The following SRCIN1 variants were observed in gnomAD, a reference collection of about 807,000 sequenced individuals.
SRCIN1 encodes SRC kinase signaling inhibitor 1.
A neutral mutation model predicts 116.2 loss-of-function variants in SRCIN1; 50 were observed. The observed-to-expected ratio is 0.43, with a 90% CI of 0.34 to 0.54. The LOEUF (loss-of-function observed/expected upper bound fraction) is 0.54. SRCIN1 is among the 20% of genes least tolerant of loss of function. The pLI is 0.02. For synonymous variants in SRCIN1, 736 were observed against 750.0 expected (o/e 0.98, Z 0.30); for missense variants, 1,446 against 1,672.0 (o/e 0.86, Z 2.36).
rs1261847295 is a variant in SRCIN1 at position 38,544,774 on chromosome 17, G to T, written c.3271-805C>A. On this transcript the variant is annotated intron_variant, in intron 17 of 18. Transcript: ENST00000617146. The surrounding 1 kb of genome is among the most constrained non-coding windows in gnomAD (Gnocchi z 4.5). ...GGTAAGAGCTGAGAGAAGGCCGGTG[G>T]GAGGAGGGGGCTGGCCTGGCATTTC... The T allele has an allele frequency of 6.6e-6, 1 of 152,158 alleles. No individual in the cohort carries two copies. The highest frequency in any genetic ancestry group is 2.4e-5 in the African/African-American group (1 of 41,396). 9.4% of individuals were successfully genotyped at this position (152,158 alleles called of 1,614,324 possible). A position where few individuals can be genotyped will look rare whatever the true frequency, so the allele number is the denominator to read the frequency against.
rs376345120 is a variant in SRCIN1 at position 38,575,831 on chromosome 17, C to T, written c.324+2659G>A. 2.1e-4 allele frequency among the ~76,000 whole-genome samples: 32 copies of T among 152,316 alleles called. No individual in the cohort carries two copies. In the East Asian group the frequency reaches 4.0e-3, roughly 19 times the overall value. The stretch of plus-strand genomic sequence containing the variant: ...TTCCTCTAGGACCTGTTTCCCGTGG[C>T]CTTCTTTCCCCTTGGCATCCTCAGA... On this transcript the variant is annotated intron_variant, in intron 2 of 18. Coordinates refer to ENST00000617146, the MANE Select transcript of SRCIN1 (RefSeq NM_025248.3).
chr17:38,538,197 T>C (rs536838077), intron 18 of SRCIN1, among the ~76,000 whole-genome samples: 20 of 151,928 alleles, frequency 1.3e-4, no homozygotes, highest in Non-Finnish European at 1.5e-5. Context: ...GGTGGGCGAA[T>C]CACGAGGTCA....
At chr17:38,578,454 GGCCGCAGCCGCA>G (rs775700083) in intron 2 of SRCIN1, 24 bp downstream of exon 2, 35 of 1,528,178 alleles carry the variant, frequency 2.3e-5, no homozygotes, top group South Asian at 5.0e-5. Context: ...CGCTGGCCGC[GGCCGCAGCCGCA>G]GCCGCAGCCG....
chr17:38,604,970 G>A lies in SRCIN1; in HGVS notation c.22+714C>T, dbSNP rs1234771714. ...CCTCCCTAAACCCCTCCCTCTCGTG[G>A]CCCTCCCTACCCGCTGGTAGAGCGG... On this transcript the variant is annotated intron_variant, in intron 1 of 18. Transcript: ENST00000617146. The surrounding 1 kb of genome is among the most constrained non-coding windows in gnomAD (Gnocchi z 4.3). Among the ~76,000 whole-genome samples the A allele has an allele frequency of 6.6e-6, 1 of 151,838 alleles. No individual in the cohort carries two copies. The highest frequency in any genetic ancestry group is 1.5e-5 in the Non-Finnish European group (1 of 67,914).
At chr17:38,587,077 C>T (rs1306721949) in intron 1 of SRCIN1, among the ~76,000 whole-genome samples, 2 of 152,166 alleles carry the variant, frequency 1.3e-5, no homozygotes, top group African/African-American at 4.8e-5. Flanking sequence ...ACTGTGTCCA[C>T]TTGCACAGAC....
At chr17:38,577,994 T>C (rs1907518386) in intron 2 of SRCIN1, among the ~76,000 whole-genome samples, 1 of 152,062 alleles carries the variant, frequency 6.6e-6, no homozygotes, top group South Asian at 2.1e-4. Context: ...GCTCCATTCT[T>C]GCAGGCTGCA....
At chr17:38,564,360 C>G (rs774795860) in intron 3 of SRCIN1, 47 bp from the exon 4 acceptor site, 17 of 1,303,472 alleles carry the variant, frequency 1.3e-5, no homozygotes, top group Admixed American at 2.4e-5. Flanking sequence ...GAGCACCCCC[C>G]CTCCCCTTTG....
In SRCIN1 at chr17:38,563,403, C is replaced by T; in HGVS notation, c.660G>A (p.Met220Ile). ...CGGTATTGGGCGACTTAAGCATGCC[C>T]ATGGTGAGCTTCTGCGGGAACATGT... ...IAHMFPQKLT[M>I]GMLKSPNTAI... Residue 220 changes from methionine to isoleucine, a missense_variant, in exon 5 of 19, where the codon ATG (methionine) becomes ATA (isoleucine). Physicochemically the swap from Met to Ile is conservative, Grantham distance 10. This residue lies in a region of SRCIN1 where 32 missense variants were observed against 69.7 expected (regional missense o/e 0.46). Coordinates refer to ENST00000617146, the MANE Select transcript of SRCIN1 (RefSeq NM_025248.3). The surrounding 1 kb of genome is among the most constrained non-coding windows in gnomAD (Gnocchi z 5.8). 1 of 1,577,106 alleles carries T rather than the reference C, an allele frequency of 6.3e-7. No individual in the cohort carries two copies. Among genetic ancestry groups the T allele is most frequent in the Non-Finnish European group, 8.6e-7 (1 of 1,160,684 alleles).
intron 1 of SRCIN1, among the ~76,000 whole-genome samples, chr17:38,593,500 A>G (rs1908553442): frequency 6.6e-6 from 1 of 151,980 alleles, no homozygotes; most frequent in South Asian, 2.1e-4. Context: ...CCTGCTAGAG[A>G]CTGGGACTCT....
In SRCIN1 at chr17:38,563,906, AGAG is replaced by A; in HGVS notation, c.541+209_541+211del. ...GGACAGAAAAGGAAGCAAGAGGGAGAGAGGAGGCTTGGAGGGAAAGGGGTCGGG... is the reference window on the plus strand; with the variant it reads ...GGACAGAAAAGGAAGCAAGAGGGAGAGAGGCTTGGAGGGAAAGGGGTCGGG... On this transcript the variant is annotated intron_variant, in intron 4 of 18. Coordinates refer to ENST00000617146, the MANE Select transcript of SRCIN1 (RefSeq NM_025248.3). The surrounding 1 kb of genome is among the most constrained non-coding windows in gnomAD (Gnocchi z 5.8). The A allele has an allele frequency of 1.6e-6, 1 of 612,970 alleles. No homozygotes were observed. Among genetic ancestry groups the A allele is most frequent in the Non-Finnish European group, 2.9e-6 (1 of 349,702 alleles). The allele number at this position is 612,970 out of a possible 1,614,324, so 38.0% of individuals were successfully genotyped here.
intron 2 of SRCIN1, 64 bp downstream of exon 2, chr17:38,578,426 C>A: frequency 6.7e-7 from 1 of 1,499,948 alleles, no homozygotes; most frequent in South Asian, 1.3e-5. Context: ...AGCACGGGGT[C>A]AGACCTCCTC....
rs1044396359 is a variant in SRCIN1 at position 38,558,780 on chromosome 17, G to A, written c.2026-378C>T. 6.6e-6 allele frequency among the ~76,000 whole-genome samples: 1 copy of A among 152,192 alleles called. No individual in the cohort carries two copies. The highest frequency in any genetic ancestry group is 6.5e-5 in the Admixed American group (1 of 15,288). ...TTCTGGGGAATATGAGGCAGGAGAA[G>A]GGGTTGGGAATATTTGCGGGACAGG... On this transcript the variant is annotated intron_variant, in intron 10 of 18. Transcript: ENST00000617146. This position sits in a 1 kb window ranked among gnomAD's most constrained non-coding sequence, Gnocchi z 4.6.
intron 1 of SRCIN1, among the ~76,000 whole-genome samples, chr17:38,587,152 G>A (rs1908157694): frequency 6.6e-6 from 1 of 152,100 alleles, no homozygotes; most frequent in Admixed American, 6.5e-5. Context: ...TATGGCAGAA[G>A]GGCCATTCCA....
chr17:38,543,084 C>T (rs1466872043), intron 18 of SRCIN1: 1 of 456,620 alleles, frequency 2.2e-6, no homozygotes, highest in Non-Finnish European at 4.4e-6. Flanking sequence ...AGTAAACACC[C>T]ACAGGTGAGG....
In SRCIN1 at chr17:38,548,925, G is replaced by A. The variant is rs557379247; in HGVS notation, c.3117+131C>T. On this transcript the variant is annotated intron_variant, in intron 16 of 18. Coordinates refer to ENST00000617146, the MANE Select transcript of SRCIN1 (RefSeq NM_025248.3). The stretch of plus-strand genomic sequence containing the variant: ...AAACTAGCAGGACAAAGTCGCCACC[G>A]GCCACTCCCTCTTTCCTTCCATGTT... The A allele has an allele frequency of 2.1e-4, 263 of 1,270,142 alleles. 1 individual carries two copies. The highest frequency in any genetic ancestry group is 1.8e-3 in the South Asian group (118 of 64,262). The allele number at this position is 1,270,142 out of a possible 1,614,324, so 78.7% of individuals were successfully genotyped here.
chr17:38,606,009 G>A (rs970956563), upstream of SRCIN1: 5 of 143,434 alleles, frequency 3.5e-5, no homozygotes, highest in Non-Finnish European at 6.2e-5. The surrounding 1 kb of genome is among the most constrained non-coding windows in gnomAD (Gnocchi z 5.2). Context: ...GCGCGGCGCG[G>A]GCGCGCGCGT....
Position 38,559,514 on chromosome 17 carries a change from C to T in SRCIN1, c.2025+71G>A. 3.3e-6 allele frequency: 5 copies of T among 1,496,718 alleles called. No homozygotes were observed. The South Asian group carries it at 3.6e-5, about 11-fold the overall frequency. 92.7% of individuals were successfully genotyped at this position (1,496,718 alleles called of 1,614,324 possible). On this transcript the variant is annotated intron_variant, in intron 10 of 18. Coordinates refer to ENST00000617146, the MANE Select transcript of SRCIN1 (RefSeq NM_025248.3). ...AAGGATGAGGTAGTAGGGGATGGGG[C>T]GGGACTTGCGGCAAGGGACTTCTAC...
intron 11 of SRCIN1, among the ~76,000 whole-genome samples, chr17:38,553,934 A>G (rs917988109): frequency 6.6e-6 from 1 of 152,180 alleles, no homozygotes; most frequent in African/African-American, 2.4e-5. Flanking sequence ...GCTCCCCGCT[A>G]GGCATGGTGG....
chr17:38,583,779 C>T (rs973237440), intron 1 of SRCIN1, among the ~76,000 whole-genome samples: 1 of 152,136 alleles, frequency 6.6e-6, no homozygotes, highest in African/African-American at 2.4e-5. Flanking sequence ...TCTCCAACGC[C>T]TGACCTCAGG....
Sources: allele counts gnomAD v4.1 joint callset (sites outside exome capture counted in the v4.1 genomes callset), GRCh38; gene constraint gnomAD v4.1.1; regional missense constraint gnomAD v4.1.1; non-coding constraint Gnocchi (gnomAD v3.1); transcripts MANE v1.5; gene names NCBI Gene and HGNC (gene_info 2026-07-23, HGNC 2026-07-21).